The following HID1 variants were observed in gnomAD, a reference collection of about 807,000 sequenced individuals.
HID1 encodes the protein protein HID1.
A neutral mutation model predicts 89.7 loss-of-function variants in HID1; 42 were observed. That is an observed-to-expected ratio of 0.47 (90% CI 0.37 to 0.61). The LOEUF (loss-of-function observed/expected upper bound fraction) is 0.61. HID1 is among the 20% of genes least tolerant of loss of function. The pLI, the probability that HID1 is intolerant of heterozygous loss-of-function variation, is 0.00. For missense variants in HID1, 854 were observed against 1,039.3 expected, an observed-to-expected ratio of 0.82 and a Z score of 2.45; for synonymous variants, 442 against 433.8, an observed-to-expected ratio of 1.02 and a Z score of -0.24.
Position 74,962,381 on chromosome 17 carries a change from AG to A in HID1, c.505-42del. 1 of 1,420,000 alleles carries A rather than the reference AG, an allele frequency of 7.0e-7. No individual in the cohort carries two copies. Among genetic ancestry groups the A allele is most frequent in the Non-Finnish European group, 9.9e-7 (1 of 1,015,160 alleles). The allele number at this position is 1,420,000 out of a possible 1,614,324, so 88.0% of individuals were successfully genotyped here. A position where few individuals can be genotyped will look rare whatever the true frequency, so the allele number is the denominator to read the frequency against. On this transcript the variant is annotated intron_variant, in intron 4 of 18. Coordinates refer to ENST00000425042, the MANE Select transcript of HID1 (RefSeq NM_030630.3). This position sits in a 1 kb window ranked among gnomAD's most constrained non-coding sequence, Gnocchi z 4.3. ...GAAGAAGCCGGGTTAGGGGGTCGAG[AG>A]GTGAACAGCAGCCTGGGTCAGAACC...
chr17:74,961,059 T>C (rs911032471), intron 6 of HID1, among the ~76,000 whole-genome samples: 1 of 151,046 alleles, frequency 6.6e-6, no homozygotes, highest in Admixed American at 6.6e-5. Flanking sequence ...AGCTGCAGAG[T>C]CCCACACAGC....
At chr17:74,956,033 A>C (rs915623343) in intron 12 of HID1, 77 bp from the exon 13 acceptor site, 2 of 1,444,272 alleles carry the variant, frequency 1.4e-6, no homozygotes, top group African/African-American at 2.8e-5. Flanking sequence ...GGGTGGAACA[A>C]CAGGCTCCTG....
chr17:74,964,179 G>C (rs1457003897), intron 2 of HID1: 1 of 593,774 alleles, frequency 1.7e-6, no homozygotes, highest in Admixed American at 3.0e-5. Flanking sequence ...TGCTAAGTGA[G>C]TCTCCCAGCC....
At position 74,951,633 on chromosome 17, in the gene HID1, C is replaced by G; in HGVS notation, c.2304G>C (p.Arg768Ser). The change falls in exon 19 of 19, where the codon AGG (arginine) becomes AGC (serine). Residue 768 changes from arginine (R) to serine (S), a missense_variant and splice_region_variant. By Grantham distance (110) the Arg-to-Ser change is moderately radical. Coordinates refer to ENST00000425042, the MANE Select transcript of HID1 (RefSeq NM_030630.3). ...RTYMWGVIYL[R>S]NVDPPVWYDT... ...CGTACCAGACAGGGGGGTCCACATTCCTGTGGAGGAAATGGGGGGTTACCC... is the reference window on the plus strand; with the variant it reads ...CGTACCAGACAGGGGGGTCCACATTGCTGTGGAGGAAATGGGGGGTTACCC... The G allele has an allele frequency of 3.7e-6, 6 of 1,611,996 alleles. No homozygotes were observed. Among genetic ancestry groups the G allele is most frequent in the Non-Finnish European group, 4.2e-6 (5 of 1,179,160 alleles).
chr17:74,957,229 T>A (rs1247208329), intron 12 of HID1, among the ~76,000 whole-genome samples: 2 of 152,094 alleles, frequency 1.3e-5, no homozygotes, highest in Non-Finnish European at 2.9e-5. Flanking sequence ...ACCCCAGCGC[T>A]TTGGGAGGCC....
At chr17:74,969,278 T>A (rs1806396892) in intron 1 of HID1, among the ~76,000 whole-genome samples, 1 of 152,126 alleles carries the variant, frequency 6.6e-6, no homozygotes. Flanking sequence ...TACTGCAAGC[T>A]GTGCCTCCCG....
rs1467698940 is a variant in HID1, at chr17:74,958,001, G to A, written c.1471+140C>T. ...ATTGTTGTCACCCTTTTTTTTTAAT[G>A]TGGCTACTATGAAGGGTACACAAGC... On this transcript the variant is annotated intron_variant, in intron 12 of 18. Transcript: ENST00000425042. The surrounding 1 kb of genome is among the most constrained non-coding windows in gnomAD (Gnocchi z 5.2). The A allele has an allele frequency of 1.6e-6, 1 of 635,724 alleles. No individual in the cohort carries two copies. The highest frequency in any genetic ancestry group is 2.7e-6 in the Non-Finnish European group (1 of 369,966). The allele number at this position is 635,724 out of a possible 1,614,324, so 39.4% of individuals were successfully genotyped here.
chr17:74,972,545 C>T lies in HID1; in HGVS notation c.66+46G>A. Reference sequence around the variant, plus strand: ...CGCGTACCCCCGGCCCTGCCCAGCCCCCAGCCCGGCAGGTGGATGGGGACG... The same window carrying T: ...CGCGTACCCCCGGCCCTGCCCAGCCTCCAGCCCGGCAGGTGGATGGGGACG... On this transcript the variant is annotated intron_variant, in intron 1 of 18. Coordinates refer to ENST00000425042, the MANE Select transcript of HID1 (RefSeq NM_030630.3). This position sits in a 1 kb window ranked among gnomAD's most constrained non-coding sequence, Gnocchi z 6.4. 6.6e-7 allele frequency: 1 copy of T among 1,518,192 alleles called. No individual in the cohort carries two copies. The highest frequency in any genetic ancestry group is 8.9e-7 in the Non-Finnish European group (1 of 1,122,750). The allele number at this position is 1,518,192 out of a possible 1,614,324, so 94.0% of individuals were successfully genotyped here. A position where few individuals can be genotyped will look rare whatever the true frequency, so the allele number is the denominator to read the frequency against.
intron 1 of HID1, among the ~76,000 whole-genome samples, chr17:74,965,741 ACT>A (rs2039552525): frequency 6.6e-6 from 1 of 151,494 alleles, no homozygotes; most frequent in Admixed American, 6.6e-5. Flanking sequence ...ACATGGTGAA[ACT>A]CTGTCTCTAC....
intron 1 of HID1, among the ~76,000 whole-genome samples, chr17:74,966,203 G>C (rs1326537563): frequency 7.2e-6 from 1 of 139,596 alleles, no homozygotes; most frequent in Non-Finnish European, 1.5e-5. Flanking sequence ...AGAATTGCTT[G>C]AACCCAGGAG....
At chr17:74,968,865 G>C (rs183657271) in intron 1 of HID1, among the ~76,000 whole-genome samples, 1 of 152,218 alleles carries the variant, frequency 6.6e-6, no homozygotes, top group African/African-American at 2.4e-5. Flanking sequence ...CAGTGTCACC[G>C]GGGGACTAAA....
Position 74,952,321 on chromosome 17 carries a change from T to C in HID1, c.2092A>G (p.Met698Val), listed in dbSNP as rs143617157. The C allele has an allele frequency of 6.2e-5, 100 of 1,613,632 alleles. 1 individual carries two copies. In the African/African-American group the frequency reaches 1.2e-3, roughly 19 times the overall value. Residue 698 changes from methionine (M) to valine (V), a missense_variant, in exon 17 of 19, where the codon ATG (methionine) becomes GTG (valine). Physicochemically the swap from Met to Val is conservative, Grantham distance 21. Transcript: ENST00000425042. ...GGAACCAGCACCTGCAGCAGCCTCA[T>C]GATGGTCTGCAGCGGCAGCTTCGAC... ...WKSKLPLQTI[M>V]RLLQVLVPQV...
chr17:74,959,807 T>C lies in HID1; in HGVS notation c.1008+74A>G. ...AGAGCATGGTTCCTTCATGGAGGGG[T>C]CAGGATCCCCCATATCCCTGTCTCA... On this transcript the variant is annotated intron_variant, in intron 8 of 18. Transcript: ENST00000425042. The surrounding 1 kb of genome is among the most constrained non-coding windows in gnomAD (Gnocchi z 4.6). 1.3e-6 allele frequency: 2 copies of C among 1,488,502 alleles called. No individual in the cohort carries two copies. Among genetic ancestry groups the C allele is most frequent in the South Asian group, 1.1e-5 (1 of 87,584 alleles). 92.2% of individuals were successfully genotyped at this position (1,488,502 alleles called of 1,614,324 possible). A position where few individuals can be genotyped will look rare whatever the true frequency, so the allele number is the denominator to read the frequency against.
At chr17:74,970,051 G>A (rs1268684297) in intron 1 of HID1, among the ~76,000 whole-genome samples, 1 of 151,464 alleles carries the variant, frequency 6.6e-6, no homozygotes, top group South Asian at 2.1e-4. Context: ...CGAGTAGCTG[G>A]GAATACAGGC....
At position 74,950,897 on chromosome 17, in the gene HID1, T is replaced by G. The variant is rs2039286683; in HGVS notation, c.*673A>C. ...AGGCAGTGGGCAGGGCAGGGAGGAC[T>G]AAACGGCTGCCTCCCAGTTCCCTTC... is the stretch of plus-strand genomic sequence containing the variant. On this transcript the variant is annotated 3_prime_UTR_variant, in exon 19 of 19. Coordinates refer to ENST00000425042, the MANE Select transcript of HID1 (RefSeq NM_030630.3). 1 of 152,298 alleles carries G rather than the reference T, an allele frequency of 6.6e-6. No individual in the cohort carries two copies. The allele number at this position is 152,298 out of a possible 1,614,324, so 9.4% of individuals were successfully genotyped here.
At chr17:74,952,180 C>T in intron 17 of HID1, 89 bp downstream of exon 17, 1 of 1,522,298 alleles carries the variant, frequency 6.6e-7, no homozygotes, top group Non-Finnish European at 9.0e-7. Flanking sequence ...TAGGCTGGCC[C>T]CGCCCAGAGC....
At chr17:74,952,838 C>T (rs554705961) in intron 16 of HID1, among the ~76,000 whole-genome samples, 168 bp downstream of exon 16, 28 of 152,332 alleles carry the variant, frequency 1.8e-4, no homozygotes, top group East Asian at 1.5e-3. Flanking sequence ...TGTCACCAGC[C>T]GGAAGGACCG....
Position 74,951,313 on chromosome 17 carries a change from T to G in HID1, c.*257A>C. The G allele has an allele frequency of 3.7e-6, 2 of 536,060 alleles. No individual in the cohort carries two copies. Among genetic ancestry groups the G allele is most frequent in the East Asian group, 3.1e-5 (1 of 32,196 alleles). 33.2% of individuals were successfully genotyped at this position (536,060 alleles called of 1,614,324 possible). ...CCAGGTCTTAAAGAGGGAGTCCGAG[T>G]GTTGGGGGCAGTGGTCTCTGGTGGG... On this transcript the variant is annotated 3_prime_UTR_variant, in exon 19 of 19. Coordinates refer to ENST00000425042, the MANE Select transcript of HID1 (RefSeq NM_030630.3).
At position 74,963,086 on chromosome 17, in the gene HID1, G is replaced by T; in HGVS notation, c.388-5C>A. 6.3e-7 allele frequency: 1 copy of T among 1,590,132 alleles called. No homozygotes were observed. The highest frequency in any genetic ancestry group is 8.6e-7 in the Non-Finnish European group (1 of 1,165,022). ...CTCATCATCCTCTTCTCCCTGCTGG[G>T]GACACAGCACCCACAGGCTGCCTCA... On this transcript the variant is annotated splice_region_variant and splice_polypyrimidine_tract_variant and intron_variant, in intron 3 of 18. Coordinates refer to ENST00000425042, the MANE Select transcript of HID1 (RefSeq NM_030630.3).
Sources: allele counts gnomAD v4.1 joint callset (sites outside exome capture counted in the v4.1 genomes callset), GRCh38; gene constraint gnomAD v4.1.1; non-coding constraint Gnocchi (gnomAD v3.1); transcripts MANE v1.5; gene names NCBI Gene and HGNC (gene_info 2026-07-23, HGNC 2026-07-21).